The following ERI2 variants were observed in gnomAD, a reference collection of about 807,000 sequenced individuals.
The protein encoded by ERI2 is ERI1 exoribonuclease 2.
ERI2 carries 35 observed loss-of-function variants against 46.8 expected under a neutral mutation model. That is an observed-to-expected ratio of 0.75 (90% CI 0.57 to 0.99). The LOEUF is 0.99. ERI2 is among the 50% of genes least tolerant of loss of function. ERI2 has a pLI of 0.00. For missense variants in ERI2, 695 were observed against 796.2 expected (o/e 0.87, Z 1.53); for synonymous variants, 224 against 271.0 (o/e 0.83, Z 1.70).
chr16:20,799,537 A>C (rs1276724190), intron 7 of ERI2, 186 bp from the exon 8 acceptor site: 17 of 590,344 alleles, frequency 2.9e-5, no homozygotes, highest in Non-Finnish European at 2.3e-5. Flanking sequence ...TGGCAGCATT[A>C]CCAGTGAAAG....
At chr16:20,792,826 C>G (rs143174538), downstream of ERI2, 1 of 535,570 alleles carries the variant, frequency 1.9e-6, no homozygotes, top group East Asian at 1.5e-4. Flanking sequence ...GAAATAAACT[C>G]TGAATAACAC....
intron 4 of ERI2, among the ~76,000 whole-genome samples, chr16:20,802,227 A>T (rs935216327): frequency 6.6e-5 from 10 of 151,822 alleles, no homozygotes; most frequent in Non-Finnish European, 1.2e-4. Flanking sequence ...CTATAGTCCC[A>T]GTTACTCAGG....
chr16:20,793,404 G>A (rs1446642300), downstream of ERI2, among the ~76,000 whole-genome samples: 3 of 152,182 alleles, frequency 2.0e-5, no homozygotes, highest in Non-Finnish European at 4.4e-5. Flanking sequence ...GGGACGGGGA[G>A]GTTACAGTGA....
rs2080810443 is a variant in ERI2, at chr16:20,802,790, T to C, written c.303+6A>G. ...TGACTTCTGAATTTTAAGATTTGCA[T>C]CATACCTGCTTTATGCCTGTCAATT... is the stretch of plus-strand genomic sequence containing the variant. On this transcript the variant is annotated splice_donor_region_variant and intron_variant, in intron 4 of 8. Coordinates refer to ENST00000357967, the MANE Select transcript of ERI2 (RefSeq NM_001142725.2). The C allele has an allele frequency of 4.4e-6, 7 of 1,587,062 alleles. No individual in the cohort carries two copies. The highest frequency in any genetic ancestry group is 1.4e-5 in the African/African-American group (1 of 73,812).
Position 20,797,363 on chromosome 16 carries a change from T to C in ERI2, c.*361A>G, listed in dbSNP as rs1443749921. 7 of 991,630 alleles carry C rather than the reference T, an allele frequency of 7.1e-6. No individual in the cohort carries two copies. Among genetic ancestry groups the C allele is most frequent in the African/African-American group, 3.5e-5 (2 of 57,952 alleles). 61.4% of individuals were successfully genotyped at this position (991,630 alleles called of 1,614,324 possible). A position where few individuals can be genotyped will look rare whatever the true frequency, so the allele number is the denominator to read the frequency against. ...GCCTGAAATAAAACTAAAGAACTTA[T>C]AAAAGTTTTTAGAAAAATATAAAAT... On this transcript the variant is annotated 3_prime_UTR_variant, in exon 9 of 9. Transcript: ENST00000357967.
chr16:20,786,869 C>T (rs1052490666), intron 10 of ERI2, among the ~76,000 whole-genome samples: 1 of 152,182 alleles, frequency 6.6e-6, no homozygotes, highest in African/African-American at 2.4e-5. Flanking sequence ...CACTCTTAAC[C>T]ACAACACAAC....
Position 20,798,432 on chromosome 16 carries a change from T to C in ERI2, c.1368A>G (p.Glu456=), listed in dbSNP as rs1018109202. ...VLKELEMSSH[E]NFGDIEETPQ... ...GAGTTTCCTCTATGTCTCCAAAGTT[T>C]TCATGACTTGACATTTCCAATTCTT... Residue 456 remains glutamate, a synonymous_variant, in exon 9 of 9, where the codon GAA becomes GAG. Coordinates refer to ENST00000357967, the MANE Select transcript of ERI2 (RefSeq NM_001142725.2). The C allele has an allele frequency of 1.3e-6, 2 of 1,550,698 alleles. No individual in the cohort carries two copies. The highest frequency in any genetic ancestry group is 2.7e-5 in the African/African-American group (2 of 72,956).
chr16:20,798,558 C>T lies in ERI2; in HGVS notation c.1242G>A (p.Leu414=). The T allele has an allele frequency of 6.4e-7, 1 of 1,551,596 alleles. No homozygotes were observed. ...VLADWEDVVL[L]PASQPEENVD... is the part of the protein sequence containing the mutation. The stretch of plus-strand genomic sequence containing the variant: ...CGTTTTCCTCAGGCTGAGATGCTGG[C>T]AGTAAAACCACATCCTCCCAATCAG... Residue 414 remains leucine, a synonymous_variant, in exon 9 of 9, where the codon CTG becomes CTA. Transcript: ENST00000357967.
intron 7 of ERI2, 70 bp from the exon 8 acceptor site, chr16:20,799,421 C>T (rs2080772237): frequency 1.8e-5 from 25 of 1,418,640 alleles, no homozygotes; most frequent in Non-Finnish European, 2.2e-5. Flanking sequence ...AAAGAAATAA[C>T]TTAAAAAGAA....
chr16:20,802,796 C>A lies in ERI2; in HGVS notation c.303G>T (p.Gln101His). Residue 101 changes from glutamine to histidine, a missense_variant and splice_region_variant, in exon 4 of 9, where the codon CAG becomes CAT. Coordinates refer to ENST00000357967, the MANE Select transcript of ERI2 (RefSeq NM_001142725.2). ...EFCMELTGIK[Q>H]AQVDEGVPLK... ...CTGAATTTTAAGATTTGCATCATAC[C>A]TGCTTTATGCCTGTCAATTCCATGC... The A allele has an allele frequency of 6.3e-7, 1 of 1,593,734 alleles. No homozygotes were observed. The highest frequency in any genetic ancestry group is 1.8e-5 in the Admixed American group (1 of 55,972).
Position 20,798,674 on chromosome 16 carries a change from C to T in ERI2, c.1126G>A (p.Glu376Lys). Residue 376 changes from glutamate (E) to lysine (K), a missense_variant, in exon 9 of 9, where the codon GAA becomes AAA. Coordinates refer to ENST00000357967, the MANE Select transcript of ERI2 (RefSeq NM_001142725.2). ...ACGGTGGTAGAAACAAGTACCAATT[C>T]TGAACCAACTGTTGAAGCCTTAGAT... ...TKSKASTVGS[E>K]LVLVSTTVPT... The T allele has an allele frequency of 6.4e-7, 1 of 1,551,640 alleles. No homozygotes were observed. The highest frequency in any genetic ancestry group is 1.4e-5 in the African/African-American group (1 of 73,134).
At position 20,796,722 on chromosome 16, in the gene ERI2, C is replaced by G. The variant is rs146478955; in HGVS notation, c.*1002G>C. On this transcript the variant is annotated 3_prime_UTR_variant, in exon 9 of 9. Transcript: ENST00000357967. The stretch of plus-strand genomic sequence containing the variant: ...CAGTAAATACTTAATATCAAGACAA[C>G]TTTCCTAACAATACCCTTTTCCCTA... 368 of 1,489,932 alleles carry G rather than the reference C, an allele frequency of 2.5e-4. 2 individuals are homozygous for G. In the African/African-American group the frequency reaches 4.8e-3, roughly 20 times the overall value. 92.3% of individuals were successfully genotyped at this position (1,489,932 alleles called of 1,614,324 possible).
intron 10 of ERI2, among the ~76,000 whole-genome samples, chr16:20,787,646 C>A (rs2080503410): frequency 6.6e-6 from 1 of 152,206 alleles, no homozygotes; most frequent in African/African-American, 2.4e-5. Context: ...GCTGCTGTAA[C>A]TCTTTATAGA....
downstream of ERI2, chr16:20,792,045 A>C (rs775053655): frequency 6.2e-7 from 1 of 1,614,162 alleles, no homozygotes; most frequent in Non-Finnish European, 8.5e-7. Context: ...GGCAATTTCT[A>C]TATCACTGGG....
At chr16:20,792,169 T>C, downstream of ERI2, 1 of 1,614,118 alleles carries the variant, frequency 6.2e-7, no homozygotes, top group Non-Finnish European at 8.5e-7. Context: ...CTGTGTTAAC[T>C]GATCATCAGT....
chr16:20,792,423 C>G, downstream of ERI2: 1 of 1,570,354 alleles, frequency 6.4e-7, no homozygotes, highest in Non-Finnish European at 8.7e-7. Context: ...CAGAATTAAC[C>G]AAATGATTCA....
chr16:20,783,087 G>C (rs543956416), intron 10 of ERI2, among the ~76,000 whole-genome samples: 1 of 152,302 alleles, frequency 6.6e-6, no homozygotes, highest in Non-Finnish European at 1.5e-5. Context: ...CCAAGCTTCT[G>C]TTCCTGGCTT....
At chr16:20,786,229 C>G in intron 10 of ERI2, 5 of 1,531,614 alleles carry the variant, frequency 3.3e-6, no homozygotes, top group Non-Finnish European at 3.5e-6. Flanking sequence ...CGCTTACCCC[C>G]ATATAAACTT....
chr16:20,800,394 A>C lies in ERI2; in HGVS notation c.469T>G (p.Leu157Val), dbSNP rs772820104. Residue 157 changes from leucine to valine, a missense_variant, in exon 6 of 9, where the codon TTG (leucine) becomes GTG (valine). Leu to Val is a conservative substitution (Grantham distance 32). Transcript: ENST00000357967. ...CACTCATACTCCAGGCAAACCCCCA[A>C]GTCCCAGTCTGCATTAGGTACATTA... ...CAFVTWSDWD[L>V]GVCLEYECKR... The C allele has an allele frequency of 2.5e-6, 4 of 1,603,014 alleles. No individual in the cohort carries two copies. In the Admixed American group the frequency reaches 6.7e-5, roughly 27 times the overall value.
Sources: allele counts gnomAD v4.1 joint callset (sites outside exome capture counted in the v4.1 genomes callset), GRCh38; gene constraint gnomAD v4.1.1; transcripts MANE v1.5; gene names NCBI Gene and HGNC (gene_info 2026-07-23, HGNC 2026-07-21).